Variants in COL15A1 observed in about 807,000 individuals in gnomAD.
COL15A1 encodes the protein collagen alpha-1(XV) chain.
COL15A1 carries 111 observed loss-of-function variants against 165.9 expected under a neutral mutation model. That is an observed-to-expected ratio of 0.67 (90% CI 0.57 to 0.78). COL15A1 has a LOEUF of 0.78. Among genes scored for constraint, COL15A1 ranks in the 30% least tolerant of loss-of-function variants. The probability of loss-of-function intolerance (pLI) is 0.00; values close to 1 mark genes in which losing one functional copy is unlikely to be tolerated. For missense variants in COL15A1, 1,745 were observed against 1,789.7 expected, an observed-to-expected ratio of 0.98 and a Z score of 0.45; for synonymous variants, 659 against 674.8, an observed-to-expected ratio of 0.98 and a Z score of 0.36.
chr9:99,038,563 C>T (rs573196335), intron 21 of COL15A1, 105 bp from the exon 22 acceptor site: 21 of 727,354 alleles, frequency 2.9e-5, no homozygotes, highest in Middle Eastern at 4.8e-4. Context: ...TCAGTGTCTG[C>T]GGTGTTCCGC....
chr9:99,017,450 T>C (rs1396330924), intron 11 of COL15A1, among the ~76,000 whole-genome samples: 1 of 152,206 alleles, frequency 6.6e-6, no homozygotes, highest in Non-Finnish European at 1.5e-5. Context: ...CTTCCAGAGA[T>C]GCTGCTGACT....
intron 30 of COL15A1, among the ~76,000 whole-genome samples, chr9:99,052,134 G>A (rs1221941155): frequency 1.3e-5 from 2 of 152,210 alleles, no homozygotes; most frequent in Non-Finnish European, 2.9e-5. Context: ...TTATGGCTGA[G>A]TTTTTTGGCC....
intron 2 of COL15A1, among the ~76,000 whole-genome samples, chr9:98,967,388 A>G (rs990563528): frequency 2.0e-5 from 3 of 152,214 alleles, no homozygotes; most frequent in African/African-American, 4.8e-5. Context: ...CTCTCCTGAC[A>G]GGCCTTGACC....
intron 2 of COL15A1, among the ~76,000 whole-genome samples, chr9:98,982,400 A>G (rs1030209065): frequency 2.8e-4 from 43 of 152,224 alleles, no homozygotes; most frequent in African/African-American, 8.7e-4. Context: ...TTTGTAGTTT[A>G]CATTTATGAC....
At chr9:99,055,429 C>A (rs1006850580) in intron 34 of COL15A1, 57 bp downstream of exon 34, 1 of 1,086,224 alleles carries the variant, frequency 9.2e-7, no homozygotes. Flanking sequence ...TTCCCGGAAG[C>A]CCCCAATGGG....
chr9:99,008,794 G>C (rs993784636), intron 9 of COL15A1, among the ~76,000 whole-genome samples: 1 of 152,054 alleles, frequency 6.6e-6, no homozygotes, highest in Non-Finnish European at 1.5e-5. Flanking sequence ...ATTTTTAGCA[G>C]AGATGGGGTT....
intron 6 of COL15A1, 94 bp downstream of exon 6, chr9:98,997,175 T>C: frequency 2.7e-6 from 4 of 1,459,326 alleles, no homozygotes; most frequent in Non-Finnish European, 3.8e-6. Context: ...CAGAATCTCA[T>C]TTAACCTTCC....
chr9:98,958,693 T>G (rs1483558221), intron 2 of COL15A1, among the ~76,000 whole-genome samples: 2 of 152,088 alleles, frequency 1.3e-5, no homozygotes, highest in African/African-American at 4.8e-5. Flanking sequence ...TATTTGCAAG[T>G]GTGGGCTGAT....
chr9:99,033,810 T>TA, intron 16 of COL15A1, among the ~76,000 whole-genome samples: 1 of 152,256 alleles, frequency 6.6e-6, no homozygotes, highest in East Asian at 1.9e-4. Context: ...GCAGGTGCAT[T>TA]TGTGGTTTCC....
chr9:98,951,398 C>T (rs1322228123), intron 2 of COL15A1, among the ~76,000 whole-genome samples: 1 of 152,128 alleles, frequency 6.6e-6, no homozygotes, highest in Admixed American at 6.5e-5. Context: ...TCACTGGGTT[C>T]TCACTGTACC....
chr9:99,068,516 A>T, intron 40 of COL15A1, 39 bp from the exon 41 acceptor site: 15 of 666,598 alleles, frequency 2.3e-5, no homozygotes, highest in Non-Finnish European at 3.4e-5. Context: ...TTGTAGGCTG[A>T]TGGTATAATG....
At chr9:98,956,678 T>G (rs1837780801) in intron 2 of COL15A1, among the ~76,000 whole-genome samples, 1 of 152,216 alleles carries the variant, frequency 6.6e-6, no homozygotes, top group South Asian at 2.1e-4. Context: ...TCCTCCACAC[T>G]GCAGCCACAG....
rs546988901 is a variant in COL15A1, at chr9:99,042,778, T to C, written c.2574+671T>C. Among the ~76,000 whole-genome samples the C allele has an allele frequency of 1.4e-3, 211 of 152,348 alleles. 1 individual carries two copies. The highest frequency in any genetic ancestry group is 4.7e-3 in the African/African-American group (194 of 41,572). On this transcript the variant is annotated intron_variant, in intron 24 of 41. Coordinates refer to ENST00000375001, the MANE Select transcript of COL15A1 (RefSeq NM_001855.5). ...GAACACTTCCTGAGAACTCCCAGGG[T>C]ACCAAACCTATTGTTGTGCTTGTAT...
chr9:99,034,610 A>G, intron 17 of COL15A1, 26 bp downstream of exon 17: 3 of 1,471,450 alleles, frequency 2.0e-6, no homozygotes, highest in East Asian at 2.6e-5. Context: ...AAAAAAAAAA[A>G]AAAAGAACTT....
intron 2 of COL15A1, among the ~76,000 whole-genome samples, chr9:98,951,165 G>A (rs1415487337): frequency 3.9e-5 from 6 of 152,146 alleles, no homozygotes; most frequent in Non-Finnish European, 8.8e-5. Flanking sequence ...TCTAGAGCTG[G>A]CCACTTTGTC....
At position 99,049,710 on chromosome 9, in the gene COL15A1, C is replaced by T; in HGVS notation, c.2814C>T (p.Gly938=). Residue 938 remains glycine, a synonymous_variant, in exon 29 of 42, where the codon GGC becomes GGT. Transcript: ENST00000375001. ...TTCAGGGCCCACCTGGCTTACCTGG[C>T]CCTCCAGGCCCCCCTGGGCCACCTG... ...VIMQGPPGLP[G]PPGPPGPPGA... 6.2e-7 allele frequency: 1 copy of T among 1,613,752 alleles called. No homozygotes were observed.
At chr9:99,008,732 C>G (rs1049942355) in intron 9 of COL15A1, among the ~76,000 whole-genome samples, 2 of 152,156 alleles carry the variant, frequency 1.3e-5, no homozygotes, top group African/African-American at 4.8e-5. Context: ...GGCTCAGCCT[C>G]CCAAGTAGCT....
chr9:99,017,780 C>T (rs60021618), intron 11 of COL15A1, among the ~76,000 whole-genome samples: 26,074 of 152,134 alleles, frequency 0.17, 3,117 homozygotes, highest in East Asian at 0.43. Flanking sequence ...GATGCCACAT[C>T]GGGCACAGAT....
chr9:98,997,000 G>A lies in COL15A1; in HGVS notation c.871G>A (p.Glu291Lys). The change falls in exon 6 of 42, where the codon GAA becomes AAA. Residue 291 changes from glutamate (E) to lysine (K), a missense_variant. By Grantham distance (56) the Glu-to-Lys change is moderately conservative. Transcript: ENST00000375001. ...PTPSSPFEDMELSGEPVPEGT... is the reference protein window; with the variant it reads ...PTPSSPFEDMKLSGEPVPEGT... ...TCCATCCTCCCCCTTTGAAGACATG[G>A]AACTTTCTGGTGAACCTGTACCCGA... is the stretch of plus-strand genomic sequence containing the variant. 1 of 1,614,132 alleles carries A rather than the reference G, an allele frequency of 6.2e-7. No individual in the cohort carries two copies. Among genetic ancestry groups the A allele is most frequent in the East Asian group, 2.2e-5 (1 of 44,886 alleles).
Sources: allele counts gnomAD v4.1 joint callset (sites outside exome capture counted in the v4.1 genomes callset), GRCh38; gene constraint gnomAD v4.1.1; transcripts MANE v1.5; gene names NCBI Gene and HGNC (gene_info 2026-07-23, HGNC 2026-07-21).